The following ZNF586 variants were observed in gnomAD, a reference collection of about 807,000 sequenced individuals.
ZNF586 encodes zinc finger protein 586.
ZNF586 carries 7 observed loss-of-function variants against 6.7 expected under a neutral mutation model. That is an observed-to-expected ratio of 1.04 (90% CI 0.59 to 1.95). The LOEUF (loss-of-function observed/expected upper bound fraction) is 1.95, where lower values mean the gene tolerates loss of function less well. ZNF586 is among the 30% of genes most tolerant of loss of function. The probability of loss-of-function intolerance (pLI) is 0.00; values close to 1 mark genes in which losing one functional copy is unlikely to be tolerated. For missense variants in ZNF586, 442 were observed against 489.6 expected, an observed-to-expected ratio of 0.90 and a Z score of 0.92; for synonymous variants, 166 against 168.7, an observed-to-expected ratio of 0.98 and a Z score of 0.12.
rs373638060 is a variant in ZNF586, at chr19:57,779,401, C to T, written c.814C>T (p.Arg272Cys). The T allele has an allele frequency of 8.6e-5, 138 of 1,612,346 alleles. No homozygotes were observed. Among genetic ancestry groups the T allele is most frequent in the Non-Finnish European group, 1.0e-4 (119 of 1,179,740 alleles). The change falls in exon 3 of 3, where the codon CGC becomes TGC. Residue 272 changes from arginine to cysteine, a missense_variant. Coordinates refer to ENST00000396154, the MANE Select transcript of ZNF586 (RefSeq NM_017652.4). Reference protein sequence around the residue: ...YECVECGKSFRRSSSLLQHQR... With the variant: ...YECVECGKSFCRSSSLLQHQR... The stretch of plus-strand genomic sequence containing the variant: ...ATGCGTTGAGTGTGGAAAATCATTT[C>T]GCCGAAGCTCTTCACTCTTGCAGCA...
intron 1 of ZNF586, among the ~76,000 whole-genome samples, chr19:57,775,131 G>A (rs1046075565): frequency 6.6e-6 from 1 of 151,864 alleles, no homozygotes; most frequent in African/African-American, 2.4e-5. Context: ...TGAGTACCTG[G>A]GACTACAGGC....
intron 1 of ZNF586, among the ~76,000 whole-genome samples, chr19:57,774,529 TATAA>T (rs71986625): frequency 0.19 from 28,233 of 146,510 alleles, 2,921 homozygotes; most frequent in East Asian, 0.28. Flanking sequence ...ATCTCAAAAA[TATAA>T]ATAAATAAAT....
At chr19:57,770,160 T>TC (rs1243955603) in intron 1 of ZNF586, among the ~76,000 whole-genome samples, 6 of 146,542 alleles carry the variant, frequency 4.1e-5, no homozygotes, top group South Asian at 2.1e-4. Flanking sequence ...GTTATTTCTT[T>TC]TTTTTTTTTT....
chr19:57,779,717 A>G lies in ZNF586; in HGVS notation c.1130A>G (p.Asp377Gly). The G allele has an allele frequency of 6.2e-7, 1 of 1,613,934 alleles. No homozygotes were observed. Among genetic ancestry groups the G allele is most frequent in the Non-Finnish European group, 8.5e-7 (1 of 1,179,788 alleles). ...HTGERPYECI[D>G]CGKSFRHSSS... ...GGAGAAAGGCCATATGAATGCATTG[A>G]TTGTGGAAAATCATTTCGCCACAGT... The change falls in exon 3 of 3, where the codon GAT becomes GGT. Residue 377 changes from aspartate to glycine, a missense_variant. Asp to Gly is a moderately conservative substitution (Grantham distance 94). Transcript: ENST00000396154.
intron 1 of ZNF586, among the ~76,000 whole-genome samples, chr19:57,774,216 CAAAAAAA>C (rs34864063): frequency 4.3e-5 from 3 of 68,974 alleles, no homozygotes; most frequent in South Asian, 1.2e-3. Context: ...AACTCCGTCT[CAAAAAAA>C]AAAAAAAAAA....
In ZNF586 at chr19:57,770,153, A is replaced by C. The variant is rs1022477756; in HGVS notation, c.36+275A>C. Reference sequence around the variant, plus strand: ...TGGGAAAGAAGTGTGATACGGAGTTATTTCTTTTTTTTTTTTTTTTTGAGA... The same window carrying C: ...TGGGAAAGAAGTGTGATACGGAGTTCTTTCTTTTTTTTTTTTTTTTTGAGA... On this transcript the variant is annotated intron_variant, in intron 1 of 2. Transcript: ENST00000396154. 2.1e-4 allele frequency among the ~76,000 whole-genome samples: 18 copies of C among 84,382 alleles called. No individual in the cohort carries two copies. In the Admixed American group the frequency reaches 2.3e-3, roughly 11 times the overall value. 55.4% of individuals were successfully genotyped at this position (84,382 alleles called of 152,430 possible). A position where few individuals can be genotyped will look rare whatever the true frequency, so the allele number is the denominator to read the frequency against.
chr19:57,778,908 A>G lies in ZNF586; in HGVS notation c.321A>G (p.Arg107=). Residue 107 remains arginine (R), a synonymous_variant, in exon 3 of 3, where the codon AGA becomes AGG. Transcript: ENST00000396154. ...ACAAGTCCTGCCTCACTGAACCCAG[A>G]AGAGATCACAAACACAGGAATGTTC... ...FKNKSCLTEP[R]RDHKHRNVRT... 6.2e-7 allele frequency: 1 copy of G among 1,614,144 alleles called. No homozygotes were observed. The highest frequency in any genetic ancestry group is 1.7e-5 in the Admixed American group (1 of 60,014).
chr19:57,769,816 G>C lies in ZNF586; in HGVS notation c.-27G>C. The C allele has an allele frequency of 2.0e-6, 3 of 1,535,714 alleles. No individual in the cohort carries two copies. Among genetic ancestry groups the C allele is most frequent in the Non-Finnish European group, 2.6e-6 (3 of 1,142,756 alleles). ...AGGACAACGACAGGAACACCGCCGA[G>C]CCCGCGTTCCCCCCCCGCCCAGAGT... On this transcript the variant is annotated 5_prime_UTR_variant, in exon 1 of 3. Transcript: ENST00000396154.
At position 57,779,440 on chromosome 19, in the gene ZNF586, A is replaced by G; in HGVS notation, c.853A>G (p.Thr285Ala). 1 of 1,614,114 alleles carries G rather than the reference A, an allele frequency of 6.2e-7. No individual in the cohort carries two copies. The highest frequency in any genetic ancestry group is 8.5e-7 in the Non-Finnish European group (1 of 1,180,022). Residue 285 changes from threonine (T) to alanine (A), a missense_variant, in exon 3 of 3, where the codon ACT (threonine) becomes GCT (alanine). Thr to Ala is a moderately conservative substitution (Grantham distance 58, BLOSUM62 0). Transcript: ENST00000396154. ...SSLLQHQRVH[T>A]RERPYECSEC... Reference sequence around the variant, plus strand: ...ACTCTTGCAGCATCAGAGAGTTCACACTAGAGAAAGGCCTTATGAATGTAG... The same window carrying G: ...ACTCTTGCAGCATCAGAGAGTTCACGCTAGAGAAAGGCCTTATGAATGTAG...
intron 1 of ZNF586, among the ~76,000 whole-genome samples, chr19:57,774,061 C>A (rs1476252206): frequency 6.6e-6 from 1 of 151,250 alleles, no homozygotes; most frequent in Non-Finnish European, 1.5e-5. Context: ...ACTAAAAATA[C>A]AAAAAAAGTA....
At chr19:57,772,253 A>G (rs1987114462) in intron 1 of ZNF586, among the ~76,000 whole-genome samples, 1 of 152,196 alleles carries the variant, frequency 6.6e-6, no homozygotes, top group Non-Finnish European at 1.5e-5. Context: ...TAGCAGGTGT[A>G]ATATTCACTG....
At chr19:57,777,746 CTTTTTTTTTTTTTT>C (rs34718874) in intron 2 of ZNF586, among the ~76,000 whole-genome samples, 6 of 54,482 alleles carry the variant, frequency 1.1e-4, no homozygotes, top group East Asian at 6.8e-4. Flanking sequence ...TATACCCATT[CTTTTTTTTTTTTTT>C]TTTTTTTTTT....
Position 57,779,428 on chromosome 19 carries a change from CAG to C in ZNF586, c.846_847del (p.Arg282SerfsTer4). 1 of 1,613,646 alleles carries C rather than the reference CAG, an allele frequency of 6.2e-7. No homozygotes were observed. ...CCGAAGCTCTTCACTCTTGCAGCAT[CAG>C]AGAGTTCACACTAGAGAAAGGCCTT... The part of the protein sequence containing the change: ...FRRSSSLLQH[Q>X]RVHTRERPYE... On this transcript the variant is annotated frameshift_variant, in exon 3 of 3. Transcript: ENST00000396154. LOFTEE classifies it low-confidence loss of function (END_TRUNC).
Position 57,778,797 on chromosome 19 carries a change from C to T in ZNF586, c.210C>T (p.Ser70=). Residue 70 remains serine (S), a synonymous_variant, in exon 3 of 3, where the codon AGC becomes AGT. Coordinates refer to ENST00000396154, the MANE Select transcript of ZNF586 (RefSeq NM_017652.4). ...GEDEAAPSKQ[S]TCIHIYKDQG... ...ATGAGGCAGCACCTTCTAAGCAGAG[C>T]ACGTGTATACATATATACAAAGACC... 2 of 1,613,420 alleles carry T rather than the reference C, an allele frequency of 1.2e-6. No individual in the cohort carries two copies. The highest frequency in any genetic ancestry group is 1.7e-6 in the Non-Finnish European group (2 of 1,179,792).
intron 1 of ZNF586, among the ~76,000 whole-genome samples, chr19:57,771,188 C>A (rs1442230729): frequency 6.6e-6 from 1 of 151,676 alleles, no homozygotes; most frequent in East Asian, 1.9e-4. Context: ...GTAGTCCCAA[C>A]TACTTGGGAG....
In ZNF586 at chr19:57,780,420, T is replaced by G. The variant is rs1209514702; in HGVS notation, c.*624T>G. On this transcript the variant is annotated 3_prime_UTR_variant, in exon 3 of 3. Transcript: ENST00000396154. Reference sequence around the variant, plus strand: ...CTGACTCATTTTTGGCACAGAGGACTCTTCTGATAACTTGAAAAAATGGAC... The same window carrying G: ...CTGACTCATTTTTGGCACAGAGGACGCTTCTGATAACTTGAAAAAATGGAC... 1 of 152,224 alleles carries G rather than the reference T, an allele frequency of 6.6e-6. No individual in the cohort carries two copies. The highest frequency in any genetic ancestry group is 1.9e-4 in the East Asian group (1 of 5,192). The allele number at this position is 152,224 out of a possible 1,614,324, so 9.4% of individuals were successfully genotyped here. A position where few individuals can be genotyped will look rare whatever the true frequency, so the allele number is the denominator to read the frequency against.
chr19:57,771,310 AAAAAAAG>A (rs1206389196), intron 1 of ZNF586, among the ~76,000 whole-genome samples: 1 of 151,552 alleles, frequency 6.6e-6, no homozygotes, highest in South Asian at 2.1e-4. Context: ...GAAAAAAAAA[AAAAAAAG>A]AGAGAGAGAG....
At chr19:57,770,372 A>G (rs1206269711) in intron 1 of ZNF586, among the ~76,000 whole-genome samples, 2 of 151,736 alleles carry the variant, frequency 1.3e-5, no homozygotes, top group African/African-American at 4.8e-5. Context: ...TGATCCGCCC[A>G]CCTCGGCCTC....
At chr19:57,772,709 G>A in intron 1 of ZNF586, among the ~76,000 whole-genome samples, 1 of 152,138 alleles carries the variant, frequency 6.6e-6, no homozygotes, top group East Asian at 1.9e-4. Flanking sequence ...TGATCTTCAG[G>A]CACACCACCA....
Sources: gnomAD v4.1 joint callset for allele counts (sites outside exome capture counted in the v4.1 genomes callset) on GRCh38, gnomAD v4.1.1 for gene constraint, MANE v1.5 for transcripts, NCBI Gene and HGNC (gene_info 2026-07-23, HGNC 2026-07-21) for gene names.